Variants in COL4A4 observed in about 807,000 individuals in gnomAD.
COL4A4 encodes collagen alpha-4(IV) chain.
COL4A4 carries 105 observed loss-of-function variants against 192.9 expected under a neutral mutation model. The observed-to-expected ratio is 0.54, with a 90% CI of 0.46 to 0.64. The LOEUF (loss-of-function observed/expected upper bound fraction) is 0.64. Among genes scored for constraint, COL4A4 ranks in the 30% least tolerant of loss-of-function variants. The pLI is 0.00. For synonymous variants in COL4A4, 762 were observed against 769.9 expected (o/e 0.99, Z 0.17); for missense variants, 1,967 against 2,169.3 (o/e 0.91, Z 1.85).
At chr2:227,069,968 C>A (rs1009683079) in intron 25 of COL4A4, among the ~76,000 whole-genome samples, 2 of 150,868 alleles carry the variant, frequency 1.3e-5, no homozygotes, top group Admixed American at 1.3e-4. Flanking sequence ...GCAACCTACT[C>A]ATCTGACAAA....
chr2:227,032,354 C>T (rs1189762805), intron 38 of COL4A4, 78 bp from the exon 39 acceptor site: 9 of 1,524,228 alleles, frequency 5.9e-6, no homozygotes, highest in Non-Finnish European at 8.0e-6. Context: ...GGAACCACTT[C>T]CCAATAGCGG....
intron 8 of COL4A4, among the ~76,000 whole-genome samples, chr2:227,112,608 T>G (rs562130839): frequency 1.1e-4 from 16 of 152,322 alleles, no homozygotes; most frequent in Middle Eastern, 3.4e-3. Context: ...GTTCACTTAA[T>G]GCCACTTAAG....
Position 227,050,066 on chromosome 2 carries a change from A to C in COL4A4, c.3214+2T>G, listed in dbSNP as rs778161679. The C allele has an allele frequency of 6.2e-7, 1 of 1,613,818 alleles. No individual in the cohort carries two copies. Among genetic ancestry groups the C allele is most frequent in the Admixed American group, 1.7e-5 (1 of 60,016 alleles). Reference sequence around the variant, plus strand: ...GATGGCTTCTGTATCTCCAAACCATACCTTTAGGTCCTCTTGCTCCATCAA... The same window carrying C: ...GATGGCTTCTGTATCTCCAAACCATCCCTTTAGGTCCTCTTGCTCCATCAA... On this transcript the variant is annotated splice_donor_variant, in intron 34 of 47. Transcript: ENST00000396625. LOFTEE classifies it high-confidence loss of function.
At position 227,031,936 on chromosome 2, in the gene COL4A4, C is replaced by G. The variant is rs13423714; in HGVS notation, c.3817+9G>C. 0.44 allele frequency: 704,726 copies of G among 1,585,900 alleles called. 159,225 individuals are homozygous for G. The highest frequency in any genetic ancestry group is 0.57 in the South Asian group (51,399 of 90,352). ...AGCACTGCCATCCTTTGTCATGATT[C>G]TCTCATACCTCTTGGGCCATCAGGA... is the stretch of plus-strand genomic sequence containing the variant. On this transcript the variant is annotated intron_variant, in intron 40 of 47. Transcript: ENST00000396625.
chr2:227,094,055 C>T (rs1006966194), intron 20 of COL4A4, 70 bp downstream of exon 20: 8 of 1,391,874 alleles, frequency 5.7e-6, no homozygotes, highest in South Asian at 2.5e-5. Context: ...AAAAACTATG[C>T]TTTCTTAGTG....
chr2:227,065,207 T>C (rs1037920235), intron 25 of COL4A4, among the ~76,000 whole-genome samples: 2 of 152,002 alleles, frequency 1.3e-5, no homozygotes, highest in Non-Finnish European at 2.9e-5. Context: ...CACCAGGAGA[T>C]CACATCCCGC....
At chr2:227,065,399 C>T (rs941141618) in intron 25 of COL4A4, among the ~76,000 whole-genome samples, 3 of 152,244 alleles carry the variant, frequency 2.0e-5, no homozygotes, top group Non-Finnish European at 4.4e-5. Flanking sequence ...GGCCTGCCTG[C>T]CTCTGTAGGC....
chr2:227,008,061 G>A lies in COL4A4; in HGVS notation c.4766C>T (p.Pro1589Leu), dbSNP rs768974023. Residue 1589 changes from proline to leucine, a missense_variant, in exon 47 of 48, where the codon CCG becomes CTG. Physicochemically the swap from Pro to Leu is moderately conservative, Grantham distance 98 (BLOSUM62 -3). Transcript: ENST00000396625. ...HSQDQSIPPC[P>L]QTWRSLWIGY... ...GATCCAGAGGCTCCTCCAGGTCTGC[G>A]GACATGGGGGGATGGACTGGTCCTG... is the stretch of plus-strand genomic sequence containing the variant. 7.4e-6 allele frequency: 12 copies of A among 1,613,726 alleles called. No individual in the cohort carries two copies. The highest frequency in any genetic ancestry group is 1.3e-5 in the African/African-American group (1 of 74,944).
chr2:227,111,679 G>A lies in COL4A4; in HGVS notation c.593C>T (p.Pro198Leu), dbSNP rs780541925. Residue 198 changes from proline to leucine, a missense_variant and splice_region_variant, in exon 9 of 48, where the codon CCA becomes CTA. By Grantham distance (98) the Pro-to-Leu change is moderately conservative. Coordinates refer to ENST00000396625, the MANE Select transcript of COL4A4 (RefSeq NM_000092.5). ...DRGDPGLPGL[P>L]GSWGAGGPAG... The stretch of plus-strand genomic sequence containing the variant: ...ATAGAGCCTGCTCAGGAGACTTACT[G>A]GTAAGCCAGGCAGTCCTGGGTCCCC... The A allele has an allele frequency of 1.2e-6, 2 of 1,614,076 alleles. No homozygotes were observed. The highest frequency in any genetic ancestry group is 1.7e-6 in the Non-Finnish European group (2 of 1,179,924).
intron 4 of COL4A4, among the ~76,000 whole-genome samples, chr2:227,132,581 G>A (rs2062549649): frequency 6.6e-6 from 1 of 152,166 alleles, no homozygotes; most frequent in African/African-American, 2.4e-5. Flanking sequence ...TTCAAGACCA[G>A]CCTAGTCAAC....
intron 44 of COL4A4, among the ~76,000 whole-genome samples, chr2:227,019,240 A>C (rs1310689004): frequency 6.6e-6 from 1 of 152,250 alleles, no homozygotes; most frequent in Non-Finnish European, 1.5e-5. Context: ...TTTAACCTGC[A>C]GCTAGGACTG....
intron 44 of COL4A4, 89 bp from the exon 45 acceptor site, chr2:227,012,386 C>T: frequency 1.0e-6 from 1 of 991,080 alleles, no homozygotes; most frequent in East Asian, 2.4e-5. Context: ...AGCCGTGTGC[C>T]AGCCCCAGGC....
chr2:227,020,657 A>C (rs1026595592), intron 44 of COL4A4, among the ~76,000 whole-genome samples: 2 of 151,810 alleles, frequency 1.3e-5, no homozygotes, highest in African/African-American at 4.9e-5. Flanking sequence ...AGTCCAAATC[A>C]TAGTGGGGCA....
At chr2:227,036,151 AAAC>A (rs1969617885) in intron 37 of COL4A4, among the ~76,000 whole-genome samples, 1 of 152,184 alleles carries the variant, frequency 6.6e-6, no homozygotes, top group South Asian at 2.1e-4. Context: ...TCCTCCTGCT[AAAC>A]AACCATCATT....
chr2:227,103,985 TAG>T lies in COL4A4; in HGVS notation c.801_802del (p.Tyr268Ter), dbSNP rs2060671183. Reference sequence around the variant, plus strand: ...TTTGGGAATTACCTTTTCTCCTTTATAGAGACAAAAGTCAGGTGGCTCTACCA... The same window carrying T: ...TTTGGGAATTACCTTTTCTCCTTTATAGACAAAAGTCAGGTGGCTCTACCA... On this transcript the variant is annotated frameshift_variant, in exon 13 of 48. Transcript: ENST00000396625. LOFTEE classifies it high-confidence loss of function. 1 of 1,613,036 alleles carries T rather than the reference TAG, an allele frequency of 6.2e-7. No individual in the cohort carries two copies. The highest frequency in any genetic ancestry group is 1.7e-5 in the Admixed American group (1 of 59,976).
At chr2:227,121,174 G>C (rs762805843) in intron 4 of COL4A4, 26 bp from the exon 5 acceptor site, 2 of 1,612,528 alleles carry the variant, frequency 1.2e-6, no homozygotes, top group African/African-American at 2.7e-5. Context: ...AAAAAGAAAT[G>C]GGGGTGCAAT....
chr2:227,137,410 C>T (rs924973441), intron 4 of COL4A4, among the ~76,000 whole-genome samples: 1 of 152,166 alleles, frequency 6.6e-6, no homozygotes, highest in East Asian at 1.9e-4. Flanking sequence ...AAGCCAGACA[C>T]GTGGGTGTGA....
chr2:227,163,065 T>C (rs908188969), intron 1 of COL4A4, among the ~76,000 whole-genome samples: 4 of 152,236 alleles, frequency 2.6e-5, no homozygotes, highest in Admixed American at 6.5e-5. Context: ...CTGAAGCCAA[T>C]TGCAGCAAAT....
rs1559660085 is a variant in COL4A4, at chr2:227,114,596, A to G, written c.558+32T>C. ...TGGGCTTACCTATTTGGAAGAAAAAATTTTTTAACCCATCATGATCATAAT... is the reference window on the plus strand; with the variant it reads ...TGGGCTTACCTATTTGGAAGAAAAAGTTTTTTAACCCATCATGATCATAAT... On this transcript the variant is annotated intron_variant, in intron 8 of 47. Coordinates refer to ENST00000396625, the MANE Select transcript of COL4A4 (RefSeq NM_000092.5). 2.5e-6 allele frequency: 4 copies of G among 1,591,310 alleles called. No homozygotes were observed. The East Asian group carries it at 6.7e-5, about 27-fold the overall frequency.
Sources: gnomAD v4.1 joint callset for allele counts (sites outside exome capture counted in the v4.1 genomes callset) on GRCh38, gnomAD v4.1.1 for gene constraint, MANE v1.5 for transcripts, NCBI Gene and HGNC (gene_info 2026-07-23, HGNC 2026-07-21) for gene names.